SPIRE2: variants seen among roughly 807,000 people sequenced by gnomAD.
SPIRE2 encodes spire type actin nucleation factor 2, also known as protein spire homolog 2.
SPIRE2 carries 76 observed loss-of-function variants against 80.7 expected under a neutral mutation model. The ratio of observed to expected loss-of-function variants is 0.94; its 90% CI spans 0.78 to 1.14. The LOEUF is 1.14. Ranked by LOEUF, SPIRE2 falls within the 50% of genes most tolerant of loss-of-function variation. The probability of loss-of-function intolerance (pLI) is 0.00; values close to 1 mark genes in which losing one functional copy is unlikely to be tolerated. For synonymous variants in SPIRE2, 535 were observed against 432.6 expected (o/e 1.24, Z -2.94); for missense variants, 1,196 against 1,015.3 (o/e 1.18, Z -2.42).
chr16:89,831,208 T>A (rs1195871527), intron 1 of SPIRE2, among the ~76,000 whole-genome samples: 4 of 149,844 alleles, frequency 2.7e-5, no homozygotes, highest in African/African-American at 9.7e-5. Context: ...TGCGCCCAGC[T>A]GGGTGGTTTC....
rs2041601773 is a variant in SPIRE2, at chr16:89,849,607, T to C, written c.289-697T>C. ...CGACTGTGCTGCCTCTGCCTGCCTG[T>C]CCCAGCAGACCTGGCCACCTGGGGA... On this transcript the variant is annotated intron_variant, in intron 2 of 14. Coordinates refer to ENST00000378247, the MANE Select transcript of SPIRE2 (RefSeq NM_032451.2). Among the ~76,000 whole-genome samples, 3 of 152,150 alleles carry C rather than the reference T, an allele frequency of 2.0e-5. No homozygotes were observed. The South Asian group carries it at 6.2e-4, about 32-fold the overall frequency.
At chr16:89,829,190 C>A (rs2041356010) in intron 1 of SPIRE2, among the ~76,000 whole-genome samples, 1 of 152,192 alleles carries the variant, frequency 6.6e-6, no homozygotes, top group Non-Finnish European at 1.5e-5. Context: ...GAGACAGAAG[C>A]GTCCCCTTGG....
chr16:89,836,834 A>G (rs1388362036), intron 1 of SPIRE2, among the ~76,000 whole-genome samples: 1 of 150,084 alleles, frequency 6.7e-6, no homozygotes, highest in East Asian at 2.0e-4. Context: ...AAAAAAAAAG[A>G]AAAAAAGAAA....
In SPIRE2 at chr16:89,870,323, G is replaced by T. The variant is rs769162085; in HGVS notation, c.*51G>T. On this transcript the variant is annotated 3_prime_UTR_variant, in exon 15 of 15. Coordinates refer to ENST00000378247, the MANE Select transcript of SPIRE2 (RefSeq NM_032451.2). ...GAGGCACCAGGCAGGCCCTGTATCA[G>T]GCTAGGACGCTCTGAGCTGTGCATG... 1.1e-5 allele frequency: 14 copies of T among 1,217,518 alleles called. No homozygotes were observed. In the Admixed American group the frequency reaches 1.6e-4, roughly 14 times the overall value. 75.4% of individuals were successfully genotyped at this position (1,217,518 alleles called of 1,614,324 possible).
rs778765496 is a variant in SPIRE2 at position 89,859,147 on chromosome 16, C to T, written c.1273-18C>T. The T allele has an allele frequency of 5.2e-6, 8 of 1,542,310 alleles. No homozygotes were observed. Among genetic ancestry groups the T allele is most frequent in the East Asian group, 2.4e-5 (1 of 41,140 alleles). ...GGCGGGCATTGTCAGGGCAGGGCCG[C>T]GTCTGGTGTGTCCACAGGAAGAAGA... On this transcript the variant is annotated intron_variant, in intron 8 of 14. Coordinates refer to ENST00000378247, the MANE Select transcript of SPIRE2 (RefSeq NM_032451.2).
rs774503173 is a variant in SPIRE2 at position 89,863,626 on chromosome 16, C to T, written c.1710+16C>T. 7.4e-6 allele frequency: 12 copies of T among 1,614,006 alleles called. No individual in the cohort carries two copies. Among genetic ancestry groups the T allele is most frequent in the Admixed American group, 5.0e-5 (3 of 60,022 alleles). ...GAAGGGGAAGGTGAGGCTGCCTAGA[C>T]GTGGGGCTACGCTCTTGCCCGCTGG... On this transcript the variant is annotated intron_variant, in intron 11 of 14. Transcript: ENST00000378247. The surrounding 1 kb of genome is among the most constrained non-coding windows in gnomAD (Gnocchi z 4.3).
chr16:89,869,554 C>T lies in SPIRE2; in HGVS notation c.1807-13C>T, dbSNP rs1366493091. ...GTGGTGCCTGGTTCATACCTCCTCC[C>T]TCTGTGCTGCAGATGAAGATGCCTT... On this transcript the variant is annotated splice_polypyrimidine_tract_variant and intron_variant, in intron 13 of 14. Transcript: ENST00000378247. The T allele has an allele frequency of 3.8e-6, 6 of 1,574,994 alleles. No homozygotes were observed. The Admixed American group carries it at 5.0e-5, about 13-fold the overall frequency.
intron 1 of SPIRE2, among the ~76,000 whole-genome samples, chr16:89,842,976 C>G (rs573751045): frequency 2.0e-5 from 3 of 152,228 alleles, no homozygotes; most frequent in Admixed American, 6.5e-5. Flanking sequence ...GTGGAGTTAG[C>G]AGGTCCACTG....
chr16:89,839,612 C>T (rs1164597183), intron 1 of SPIRE2, among the ~76,000 whole-genome samples: 2 of 152,162 alleles, frequency 1.3e-5, no homozygotes, highest in African/African-American at 4.8e-5. Context: ...CAGGAAACCC[C>T]TGGAGGCGGG....
intron 14 of SPIRE2, 65 bp downstream of exon 14, chr16:89,869,747 T>A: frequency 2.3e-6 from 3 of 1,286,030 alleles, no homozygotes; most frequent in Non-Finnish European, 3.4e-6. Flanking sequence ...ACTTGGGAGC[T>A]GGGGTGGAGG....
Position 89,859,298 on chromosome 16 carries a change from C to G in SPIRE2, c.1406C>G (p.Pro469Arg), listed in dbSNP as rs977521349. Reference sequence around the variant, plus strand: ...ACCCACCCCCCAGGAGGGACGGAGCCACCACGGCCCCGAGCTGGCAGTGCG... The same window carrying G: ...ACCCACCCCCCAGGAGGGACGGAGCGACCACGGCCCCGAGCTGGCAGTGCG... ...SATHPPGGTE[P>R]PRPRAGSAHV... The change falls in exon 9 of 15, where the codon CCA becomes CGA. Residue 469 changes from proline (P) to arginine (R), a missense_variant. By Grantham distance (103) the Pro-to-Arg change is moderately radical. Coordinates refer to ENST00000378247, the MANE Select transcript of SPIRE2 (RefSeq NM_032451.2). The G allele has an allele frequency of 7.5e-6, 12 of 1,599,978 alleles. No individual in the cohort carries two copies. The highest frequency in any genetic ancestry group is 1.0e-5 in the Non-Finnish European group (12 of 1,177,672).
intron 7 of SPIRE2, among the ~76,000 whole-genome samples, chr16:89,857,213 T>G (rs1222781406): frequency 1.4e-5 from 2 of 148,132 alleles, no homozygotes; most frequent in Admixed American, 6.9e-5. Flanking sequence ...TATAGTTCAC[T>G]GCAGCCTCAA....
At chr16:89,856,531 G>A (rs1342496938) in intron 7 of SPIRE2, among the ~76,000 whole-genome samples, 3 of 151,696 alleles carry the variant, frequency 2.0e-5, no homozygotes, top group East Asian at 1.9e-4. Context: ...TGCAACCTCC[G>A]CCCCCCGGGT....
chr16:89,869,906 T>G, intron 14 of SPIRE2, 144 bp from the exon 15 acceptor site: 1 of 745,772 alleles, frequency 1.3e-6, no homozygotes, highest in Non-Finnish European at 2.2e-6. Flanking sequence ...AGATGAACAC[T>G]GCTAGCTGTG....
intron 12 of SPIRE2, among the ~76,000 whole-genome samples, chr16:89,867,052 C>T (rs1357711544): frequency 1.3e-5 from 2 of 152,170 alleles, no homozygotes; most frequent in East Asian, 1.9e-4. Flanking sequence ...GTCAGGTACA[C>T]ACCAATGTCT....
chr16:89,867,842 C>A (rs2041803437), intron 12 of SPIRE2, among the ~76,000 whole-genome samples: 1 of 152,168 alleles, frequency 6.6e-6, no homozygotes, highest in Admixed American at 6.5e-5. Flanking sequence ...GCCTTGGCCT[C>A]CCAAAGTGCT....
chr16:89,852,114 A>C (rs1291054699), intron 3 of SPIRE2, among the ~76,000 whole-genome samples: 794 of 15,744 alleles, frequency 0.05, 34 homozygotes, highest in East Asian at 0.32. Context: ...ACCAGATCCC[A>C]TGGCCCATCT....
chr16:89,843,596 GTC>G (rs2041523812), intron 1 of SPIRE2, among the ~76,000 whole-genome samples: 1 of 144,178 alleles, frequency 6.9e-6, no homozygotes, highest in African/African-American at 2.6e-5. Flanking sequence ...CAGGTGGTGT[GTC>G]TCATCTCAGA....
intron 3 of SPIRE2, 69 bp from the exon 4 acceptor site, chr16:89,854,217 C>T (rs553429524): frequency 2.1e-5 from 31 of 1,444,428 alleles, no homozygotes; most frequent in East Asian, 4.8e-5. Flanking sequence ...GTGTCCCTGA[C>T]GGACGGGGCC....
Sources: allele counts gnomAD v4.1 joint callset (sites outside exome capture counted in the v4.1 genomes callset), GRCh38; gene constraint gnomAD v4.1.1; non-coding constraint Gnocchi (gnomAD v3.1); transcripts MANE v1.5; gene names NCBI Gene and HGNC (gene_info 2026-07-23, HGNC 2026-07-21).